Variants in EIF3K observed in about 807,000 individuals in gnomAD.
The protein encoded by EIF3K is eIF-3 p28.
A neutral mutation model predicts 34.2 loss-of-function variants in EIF3K; 27 were observed. The ratio of observed to expected loss-of-function variants is 0.79; its 90% CI spans 0.58 to 1.09. EIF3K has a LOEUF of 1.09. EIF3K is among the 50% of genes least tolerant of loss of function. The pLI is 0.00. For missense variants in EIF3K, 232 were observed against 275.4 expected (o/e 0.84, Z 1.11); for synonymous variants, 105 against 105.7 (o/e 0.99, Z 0.04).
intron 3 of EIF3K, among the ~76,000 whole-genome samples, chr19:38,625,211 C>G (rs1288224263): frequency 6.6e-6 from 1 of 151,708 alleles, no homozygotes; most frequent in Non-Finnish European, 1.5e-5. Context: ...GTCACCCAGT[C>G]TGGAGTGCAG....
At chr19:38,620,251 G>T (rs536370310) in intron 1 of EIF3K, 86 bp from the exon 2 acceptor site, 1 of 1,087,112 alleles carries the variant, frequency 9.2e-7, no homozygotes, top group African/African-American at 1.6e-5. Context: ...GGCGGGAGGA[G>T]CAGGTTACAG....
At chr19:38,629,487 G>A (rs2144774526) in intron 4 of EIF3K, among the ~76,000 whole-genome samples, 1 of 152,192 alleles carries the variant, frequency 6.6e-6, no homozygotes, top group South Asian at 2.1e-4. Context: ...GTAGAGGTTG[G>A]ATTTCGCCAT....
chr19:38,631,608 A>G (rs763768930), intron 4 of EIF3K, among the ~76,000 whole-genome samples: 1 of 152,258 alleles, frequency 6.6e-6, no homozygotes, highest in Non-Finnish European at 1.5e-5. Flanking sequence ...CAGGAGACAG[A>G]TGCCTTCCTC....
At chr19:38,634,937 C>G in intron 6 of EIF3K, 56 bp from the exon 7 acceptor site, 1 of 1,610,974 alleles carries the variant, frequency 6.2e-7, no homozygotes, top group Non-Finnish European at 8.5e-7. Context: ...CTCTCAGTCC[C>G]CTGGAACTGT....
chr19:38,631,904 C>T (rs1331121716), intron 4 of EIF3K: 2 of 222,458 alleles, frequency 9.0e-6, no homozygotes, highest in South Asian at 6.9e-5. Flanking sequence ...GCACATCCTG[C>T]ACCGCCCTTA....
chr19:38,626,855 G>T (rs1438369689), intron 4 of EIF3K, among the ~76,000 whole-genome samples: 1 of 152,184 alleles, frequency 6.6e-6, no homozygotes, highest in Non-Finnish European at 1.5e-5. Context: ...TGCCTAGGCT[G>T]TAGTACAGTG....
At position 38,633,328 on chromosome 19, in the gene EIF3K, A is replaced by AT. The variant is rs891678530; in HGVS notation, c.499+651dup. Among the ~76,000 whole-genome samples the AT allele has an allele frequency of 2.2e-4, 34 of 152,218 alleles. No homozygotes were observed. The East Asian group carries it at 5.6e-3, about 25-fold the overall frequency. On this transcript the variant is annotated intron_variant, in intron 6 of 7. Transcript: ENST00000248342. ...CTGATCAGATGGATATTTTTTAAAGATCCCCCCAAGAACAAAAAAAGAAAA... is the reference window on the plus strand; with the variant it reads ...CTGATCAGATGGATATTTTTTAAAGATTCCCCCCAAGAACAAAAAAAGAAAA...
In EIF3K at chr19:38,621,200, A is replaced by T. The variant is rs1346837683; in HGVS notation, c.158+765A>T. On this transcript the variant is annotated intron_variant, in intron 2 of 7. Transcript: ENST00000248342. ...GACAGAGTGAGACCCCTCTTTTTAAAAAAAAAAAAAAAAAAAAGAATTACC... is the reference window on the plus strand; with the variant it reads ...GACAGAGTGAGACCCCTCTTTTTAATAAAAAAAAAAAAAAAAAGAATTACC... 2.4e-4 allele frequency among the ~76,000 whole-genome samples: 34 copies of T among 139,964 alleles called. No individual in the cohort carries two copies. The Admixed American group carries it at 2.6e-3, about 11-fold the overall frequency. 91.8% of individuals were successfully genotyped at this position (139,964 alleles called of 152,430 possible).
intron 3 of EIF3K, among the ~76,000 whole-genome samples, chr19:38,625,059 T>A (rs1975920346): frequency 1.3e-5 from 2 of 152,198 alleles, no homozygotes. Flanking sequence ...AGGACACTCA[T>A]GGGCTAAAGG....
Position 38,624,216 on chromosome 19 carries a change from G to A in EIF3K, c.279+19G>A, listed in dbSNP as rs762970374. 3.7e-6 allele frequency: 6 copies of A among 1,613,954 alleles called. No individual in the cohort carries two copies. Among genetic ancestry groups the A allele is most frequent in the Non-Finnish European group, 4.2e-6 (5 of 1,179,922 alleles). On this transcript the variant is annotated intron_variant, in intron 3 of 7. Transcript: ENST00000248342. ...GGCACATGTATCCTTCCAGCACTGG[G>A]GCCGGGGGGTGTGTGGGAAGGGGTC...
chr19:38,626,217 C>T, intron 4 of EIF3K, 115 bp downstream of exon 4: 1 of 945,256 alleles, frequency 1.1e-6, no homozygotes, highest in Non-Finnish European at 1.7e-6. Flanking sequence ...GGGCCCAGTG[C>T]TCTGCATGTG....
intron 1 of EIF3K, 97 bp downstream of exon 1, chr19:38,619,424 C>T: frequency 7.1e-7 from 1 of 1,401,636 alleles, no homozygotes; most frequent in South Asian, 1.2e-5. Flanking sequence ...GGGCTTGCCG[C>T]GGGGTGGGGT....
intron 2 of EIF3K, among the ~76,000 whole-genome samples, chr19:38,621,506 A>T (rs543158312): frequency 5.3e-5 from 8 of 152,242 alleles, no homozygotes; most frequent in Non-Finnish European, 1.5e-5. Context: ...GAAAGCCTAC[A>T]TAATCACCAT....
At chr19:38,633,409 C>T (rs1422954282) in intron 6 of EIF3K, among the ~76,000 whole-genome samples, 1 of 152,128 alleles carries the variant, frequency 6.6e-6, no homozygotes, top group African/African-American at 2.4e-5. Flanking sequence ...AGTCAAGAAA[C>T]TAAGGAAGGC....
intron 2 of EIF3K, 90 bp downstream of exon 2, chr19:38,620,525 C>A: frequency 9.4e-7 from 1 of 1,068,486 alleles, no homozygotes; most frequent in Non-Finnish European, 1.4e-6. Flanking sequence ...CTGGTAGTAT[C>A]CTGAACAATG....
At chr19:38,636,090 T>G (rs1413832911) in intron 7 of EIF3K, among the ~76,000 whole-genome samples, 15 of 152,226 alleles carry the variant, frequency 9.9e-5, no homozygotes, top group Non-Finnish European at 1.9e-4. Flanking sequence ...GTGACTGCTG[T>G]GTCGGGGTTC....
At chr19:38,634,068 C>T (rs930848887) in intron 6 of EIF3K, among the ~76,000 whole-genome samples, 12 of 147,094 alleles carry the variant, frequency 8.2e-5, no homozygotes, top group Non-Finnish European at 6.0e-5. Flanking sequence ...TGAGCCGCTG[C>T]ATCCAGCCAA....
rs34872970 is a variant in EIF3K, at chr19:38,634,263, A to ATT, written c.500-709_500-708dup. Among the ~76,000 whole-genome samples, 49 of 113,728 alleles carry ATT rather than the reference A, an allele frequency of 4.3e-4. 1 individual carries two copies. Among genetic ancestry groups the ATT allele is most frequent in the African/African-American group, 8.7e-4 (25 of 28,758 alleles). The allele number at this position is 113,728 out of a possible 152,430, so 74.6% of individuals were successfully genotyped here. ...AGGCCTCTGCCACCTCGCCCAGCTA[A>ATT]TTTTTTTTTTTTTTTTTTTTTTAGC... On this transcript the variant is annotated intron_variant, in intron 6 of 7. Transcript: ENST00000248342.
Position 38,636,935 on chromosome 19 carries a change from T to G in EIF3K, c.*15T>G. 3.7e-6 allele frequency: 6 copies of G among 1,614,098 alleles called. No homozygotes were observed. The highest frequency in any genetic ancestry group is 5.1e-6 in the Non-Finnish European group (6 of 1,179,978). On this transcript the variant is annotated 3_prime_UTR_variant, in exon 8 of 8. Transcript: ENST00000248342. ...CCTCCCAGTAACTTCAGGTGTTTAA[T>G]AAAGATGTGTTGACTCAGCCCTACT...
Sources: gnomAD v4.1 joint callset for allele counts (sites outside exome capture counted in the v4.1 genomes callset) on GRCh38, gnomAD v4.1.1 for gene constraint, MANE v1.5 for transcripts, NCBI Gene and HGNC (gene_info 2026-07-23, HGNC 2026-07-21) for gene names.